The following C10orf90 variants were observed in gnomAD, a reference collection of about 807,000 sequenced individuals.
The protein encoded by C10orf90 is chromosome 10 open reading frame 90.
A neutral mutation model predicts 62.5 loss-of-function variants in C10orf90; 56 were observed. The ratio of observed to expected loss-of-function variants is 0.90; its 90% CI spans 0.72 to 1.12. The LOEUF is 1.12. Ranked by LOEUF, C10orf90 falls within the 50% of genes most tolerant of loss-of-function variation. The pLI, the probability that C10orf90 is intolerant of heterozygous loss-of-function variation, is 0.00. For missense variants in C10orf90, 970 were observed against 880.4 expected (o/e 1.10, Z -1.29); for synonymous variants, 386 against 340.4 (o/e 1.13, Z -1.47).
At chr10:126,528,212 G>A (rs987947717) in intron 2 of C10orf90, among the ~76,000 whole-genome samples, 5 of 152,128 alleles carry the variant, frequency 3.3e-5, no homozygotes, top group African/African-American at 1.2e-4. Context: ...GGGTCAACCA[G>A]GCCTCAGGAA....
chr10:126,440,547 A>G (rs1473376096), intron 7 of C10orf90, among the ~76,000 whole-genome samples: 1 of 152,132 alleles, frequency 6.6e-6, no homozygotes, highest in Non-Finnish European at 1.5e-5. Context: ...AGCTGATGCT[A>G]TCTAGAAAGT....
At chr10:126,598,888 A>G (rs770956860) in intron 2 of C10orf90, among the ~76,000 whole-genome samples, 14 of 152,086 alleles carry the variant, frequency 9.2e-5, no homozygotes, top group Non-Finnish European at 2.1e-4. Context: ...CTTCTTTCCT[A>G]CCTTCCAATT....
rs542439750 is a variant in C10orf90 at position 126,451,305 on chromosome 10, T to C, written c.2188+7735A>G. Among the ~76,000 whole-genome samples, 208 of 152,218 alleles carry C rather than the reference T, an allele frequency of 1.4e-3. 1 individual carries two copies. Among genetic ancestry groups the C allele is most frequent in the Non-Finnish European group, 2.5e-3 (167 of 67,942 alleles). On this transcript the variant is annotated intron_variant, in intron 7 of 9. Coordinates refer to ENST00000488181, the MANE Select transcript of C10orf90 (RefSeq NM_001350921.2). ...ATTCCTCAAAAATGCAAAAATAGAA[T>C]GACCAATCCTACTGTTGGGAATTTA...
chr10:126,507,809 C>T (rs910455168), intron 3 of C10orf90, among the ~76,000 whole-genome samples: 1 of 152,174 alleles, frequency 6.6e-6, no homozygotes, highest in Non-Finnish European at 1.5e-5. Flanking sequence ...GAGATTCCAG[C>T]CTGTAGCCCC....
chr10:126,495,929 A>G (rs1445259133), intron 4 of C10orf90, among the ~76,000 whole-genome samples: 1 of 152,184 alleles, frequency 6.6e-6, no homozygotes, highest in African/African-American at 2.4e-5. Flanking sequence ...CATGAGCCCA[A>G]CTGCTCGGCA....
chr10:126,493,071 C>A (rs758619355), intron 4 of C10orf90, among the ~76,000 whole-genome samples: 1 of 151,498 alleles, frequency 6.6e-6, no homozygotes, highest in African/African-American at 2.4e-5. Flanking sequence ...ACAGGAAGTT[C>A]GTTCGACAGG....
intron 2 of C10orf90, among the ~76,000 whole-genome samples, chr10:126,542,909 G>C (rs1410527941): frequency 6.6e-6 from 1 of 152,158 alleles, no homozygotes; most frequent in Non-Finnish European, 1.5e-5. Flanking sequence ...CTCAAGATAT[G>C]TGTATATATG....
intron 2 of C10orf90, among the ~76,000 whole-genome samples, chr10:126,543,241 T>C (rs1307134044): frequency 1.3e-5 from 2 of 152,154 alleles, no homozygotes; most frequent in Non-Finnish European, 2.9e-5. Context: ...AATTTGTAAA[T>C]ATTCAAGCCT....
chr10:126,517,781 G>A (rs998823219), intron 2 of C10orf90, among the ~76,000 whole-genome samples: 2 of 151,914 alleles, frequency 1.3e-5, no homozygotes, highest in East Asian at 1.9e-4. Context: ...ATGATGGTGT[G>A]CATCTGTATT....
At chr10:126,565,035 A>ATATATAT (rs1844301702) in intron 2 of C10orf90, among the ~76,000 whole-genome samples, 4 of 18,004 alleles carry the variant, frequency 2.2e-4, no homozygotes, top group Non-Finnish European at 2.8e-4. Flanking sequence ...ATATTATATA[A>ATATATAT]AATATATAAT....
chr10:126,447,301 GC>G (rs1858848232), intron 7 of C10orf90, among the ~76,000 whole-genome samples: 1 of 151,130 alleles, frequency 6.6e-6, no homozygotes, highest in Non-Finnish European at 1.5e-5. Flanking sequence ...ACTCACTTTA[GC>G]TTTAAGGACA....
intron 2 of C10orf90, among the ~76,000 whole-genome samples, chr10:126,581,392 C>T (rs776408948): frequency 6.6e-5 from 10 of 152,124 alleles, no homozygotes; most frequent in African/African-American, 9.7e-5. Context: ...CAGGAGAGAG[C>T]GGTTTGAGAA....
chr10:126,582,173 C>T lies in C10orf90; in HGVS notation c.313+64392G>A, dbSNP rs1173081746. On this transcript the variant is annotated intron_variant, in intron 2 of 9. Coordinates refer to ENST00000488181, the MANE Select transcript of C10orf90 (RefSeq NM_001350921.2). ...CCTCCAATGTTGTCCTTAATAAGTC[C>T]CCCAAACTAACAGCGAGGGACTTTG... Among the ~76,000 whole-genome samples, 5 of 152,144 alleles carry T rather than the reference C, an allele frequency of 3.3e-5. No homozygotes were observed. In the East Asian group the frequency reaches 9.6e-4, roughly 29 times the overall value.
intron 2 of C10orf90, among the ~76,000 whole-genome samples, chr10:126,613,237 T>A (rs1343291503): frequency 2.0e-5 from 3 of 152,100 alleles, no homozygotes; most frequent in Non-Finnish European, 4.4e-5. Context: ...TTTGTTTTTG[T>A]TTTTTTGAGA....
rs117377166 is a variant in C10orf90 at position 126,596,410 on chromosome 10, G to A, written c.313+50155C>T. Among the ~76,000 whole-genome samples, 520 of 151,708 alleles carry A rather than the reference G, an allele frequency of 3.4e-3. 2 individuals carry two copies. Among genetic ancestry groups the A allele is most frequent in the Non-Finnish European group, 6.2e-3 (422 of 67,904 alleles). On this transcript the variant is annotated intron_variant, in intron 2 of 9. Transcript: ENST00000488181. The stretch of plus-strand genomic sequence containing the variant: ...AAAACAACAACAAACAAAAAGAAAA[G>A]CCACAGACCAGAAGCAAATATTTGC...
chr10:126,633,622 G>T (rs760359658), intron 2 of C10orf90, among the ~76,000 whole-genome samples: 1 of 152,190 alleles, frequency 6.6e-6, no homozygotes, highest in African/African-American at 2.4e-5. Flanking sequence ...ACTAGCAAGC[G>T]GGGAGATGTC....
At chr10:126,626,871 G>A (rs1845753070) in intron 2 of C10orf90, among the ~76,000 whole-genome samples, 3 of 152,156 alleles carry the variant, frequency 2.0e-5, no homozygotes, top group South Asian at 2.1e-4. Flanking sequence ...CGTCTGCAAG[G>A]ACAATTCATT....
At chr10:126,490,004 T>TA (rs1374606874) in intron 4 of C10orf90, among the ~76,000 whole-genome samples, 1 of 92,978 alleles carries the variant, frequency 1.1e-5, no homozygotes, top group African/African-American at 4.5e-5. Context: ...ATATTATATA[T>TA]TATATATATT....
chr10:126,524,947 G>T, intron 2 of C10orf90: 2 of 718,098 alleles, frequency 2.8e-6, no homozygotes, highest in Non-Finnish European at 3.4e-6. Context: ...AGTATTGAAA[G>T]TCATAGTGTG....
Sources: allele counts gnomAD v4.1 joint callset (sites outside exome capture counted in the v4.1 genomes callset), GRCh38; gene constraint gnomAD v4.1.1; transcripts MANE v1.5; gene names NCBI Gene and HGNC (gene_info 2026-07-23, HGNC 2026-07-21).